PSMB7: variants seen among roughly 807,000 people sequenced by gnomAD.
PSMB7 encodes proteasome subunit beta type-7.
A neutral mutation model predicts 28.1 loss-of-function variants in PSMB7; 5 were observed. That is an observed-to-expected ratio of 0.18 (90% confidence interval 0.09 to 0.37). The LOEUF (loss-of-function observed/expected upper bound fraction) is 0.37, where lower values mean the gene tolerates loss of function less well. Ranked by LOEUF, PSMB7 falls within the 10% of genes least tolerant of loss-of-function variation. The pLI is 1.00. For synonymous variants in PSMB7, 122 were observed against 123.7 expected (o/e 0.99, Z 0.09); for missense variants, 275 against 346.2 (o/e 0.79, Z 1.63).
At chr9:124,414,320 T>C (rs1206633112) in intron 2 of PSMB7, among the ~76,000 whole-genome samples, 1 of 152,256 alleles carries the variant, frequency 6.6e-6, no homozygotes, top group Non-Finnish European at 1.5e-5. Flanking sequence ...AATCTTTCCA[T>C]TAAATTAGCC....
rs114690455 is a variant in PSMB7, at chr9:124,359,878, G to C, written c.571-2963C>G. Among the ~76,000 whole-genome samples the C allele has an allele frequency of 8.0e-3, 1,213 of 152,280 alleles. 20 individuals carry two copies. Among genetic ancestry groups the C allele is most frequent in the African/African-American group, 0.027 (1,140 of 41,550 alleles). On this transcript the variant is annotated intron_variant, in intron 6 of 7. Transcript: ENST00000259457. ...GCAACATCTCTACAATGCAACACCA[G>C]ATCAATATTAAGATCTAAGGTCTTA... is the stretch of plus-strand genomic sequence containing the variant.
intron 6 of PSMB7, among the ~76,000 whole-genome samples, chr9:124,383,183 G>C (rs1189506904): frequency 6.6e-6 from 1 of 151,968 alleles, no homozygotes; most frequent in East Asian, 1.9e-4. Context: ...TATTTAAGAA[G>C]GCCAAATAGA....
At chr9:124,394,000 G>A (rs1033451127) in intron 5 of PSMB7, among the ~76,000 whole-genome samples, 3 of 152,186 alleles carry the variant, frequency 2.0e-5, no homozygotes, top group Middle Eastern at 3.2e-3. Flanking sequence ...CCCTGCTGCC[G>A]CAGGAACGCA....
At chr9:124,361,627 T>C (rs187613818) in intron 6 of PSMB7, among the ~76,000 whole-genome samples, 10 of 152,354 alleles carry the variant, frequency 6.6e-5, no homozygotes, top group African/African-American at 2.4e-4. Flanking sequence ...TAAAAGATGA[T>C]TTATGTGTTG....
intron 3 of PSMB7, among the ~76,000 whole-genome samples, chr9:124,413,372 G>T (rs931628614): frequency 6.6e-6 from 1 of 151,756 alleles, no homozygotes; most frequent in African/African-American, 2.4e-5. Context: ...ACGCTTGAAG[G>T]GTAGGCTTTC....
intron 6 of PSMB7, among the ~76,000 whole-genome samples, chr9:124,378,679 C>T (rs1830636737): frequency 6.6e-6 from 1 of 152,088 alleles, no homozygotes; most frequent in Non-Finnish European, 1.5e-5. Context: ...CTCACTAGGC[C>T]AAATGAAAAC....
intron 4 of PSMB7, among the ~76,000 whole-genome samples, chr9:124,409,608 A>C (rs147634924): frequency 6.6e-6 from 1 of 152,246 alleles, no homozygotes; most frequent in South Asian, 2.1e-4. Flanking sequence ...CAGTACCAAG[A>C]ACACCTTGTA....
intron 6 of PSMB7, among the ~76,000 whole-genome samples, chr9:124,380,870 G>A (rs1830657186): frequency 6.6e-6 from 1 of 152,210 alleles, no homozygotes; most frequent in African/African-American, 2.4e-5. Flanking sequence ...TAAATGTAGT[G>A]TGTAAATGAC....
intron 6 of PSMB7, among the ~76,000 whole-genome samples, chr9:124,373,296 A>C (rs1396759011): frequency 1.3e-5 from 2 of 152,242 alleles, no homozygotes; most frequent in Non-Finnish European, 2.9e-5. Context: ...ACAGGACCCC[A>C]GGGATTGTAT....
At chr9:124,366,519 T>C (rs983760170) in intron 6 of PSMB7, among the ~76,000 whole-genome samples, 6 of 152,266 alleles carry the variant, frequency 3.9e-5, no homozygotes, top group African/African-American at 1.4e-4. Flanking sequence ...TTTTAAAATT[T>C]ACAAACAAGT....
At chr9:124,381,771 A>C (rs750140231) in intron 6 of PSMB7, among the ~76,000 whole-genome samples, 17 of 152,246 alleles carry the variant, frequency 1.1e-4, no homozygotes, top group Non-Finnish European at 2.2e-4. Flanking sequence ...CTCAGCCTTC[A>C]TTTAATATTC....
chr9:124,393,583 TC>T (rs1830811392), intron 5 of PSMB7, among the ~76,000 whole-genome samples: 1 of 152,210 alleles, frequency 6.6e-6, no homozygotes, highest in Admixed American at 6.5e-5. Flanking sequence ...AGCTAATTCC[TC>T]AAAAAACGGA....
chr9:124,403,622 C>A (rs976725036), intron 5 of PSMB7, among the ~76,000 whole-genome samples: 1 of 152,198 alleles, frequency 6.6e-6, no homozygotes, highest in East Asian at 1.9e-4. Flanking sequence ...CTACTATTTA[C>A]AGGCCAGGCA....
chr9:124,376,173 T>C (rs1353561510), intron 6 of PSMB7, among the ~76,000 whole-genome samples: 1 of 152,100 alleles, frequency 6.6e-6, no homozygotes, highest in Non-Finnish European at 1.5e-5. Context: ...TTTGTTCAAG[T>C]TATTCATGAT....
intron 6 of PSMB7, among the ~76,000 whole-genome samples, chr9:124,378,321 G>C (rs978747173): frequency 6.6e-6 from 1 of 152,124 alleles, no homozygotes; most frequent in Non-Finnish European, 1.5e-5. Flanking sequence ...TTTTAACTGT[G>C]CTCACACGAT....
Position 124,356,398 on chromosome 9 carries a change from C to A in PSMB7, c.722+366G>T, listed in dbSNP as rs755703130. Among the ~76,000 whole-genome samples the A allele has an allele frequency of 2.0e-5, 3 of 152,176 alleles. No homozygotes were observed. Among genetic ancestry groups the A allele is most frequent in the Non-Finnish European group, 4.4e-5 (3 of 68,030 alleles). ...ACCCAGTTAGGAATCTCGGGGCACT[C>A]TGAGGGAAAGTGCTGGGGCTGCCCT... On this transcript the variant is annotated intron_variant, in intron 7 of 7. Coordinates refer to ENST00000259457, the MANE Select transcript of PSMB7 (RefSeq NM_002799.4). The surrounding 1 kb of genome is among the most constrained non-coding windows in gnomAD (Gnocchi z 4.4).
In PSMB7 at chr9:124,353,521, C is replaced by T; in HGVS notation, c.*77G>A. The T allele has an allele frequency of 5.5e-6, 6 of 1,085,964 alleles. No individual in the cohort carries two copies. The highest frequency in any genetic ancestry group is 8.5e-6 in the Non-Finnish European group (6 of 708,568). The allele number at this position is 1,085,964 out of a possible 1,614,324, so 67.3% of individuals were successfully genotyped here. A position where few individuals can be genotyped will look rare whatever the true frequency, so the allele number is the denominator to read the frequency against. On this transcript the variant is annotated 3_prime_UTR_variant, in exon 8 of 8. Transcript: ENST00000259457. ...TGAGTTGAGTTTCATTCGGCAAACA[C>T]TAGCCACATGAGTGTCTTACTGGGC...
In PSMB7 at chr9:124,353,496, T is replaced by C; in HGVS notation, c.*102A>G. 2.1e-6 allele frequency: 2 copies of C among 931,212 alleles called. No individual in the cohort carries two copies. 57.7% of individuals were successfully genotyped at this position (931,212 alleles called of 1,614,324 possible). ...GCCCAATTTGGTTTTTGTTTTTTAT[T>C]GAGTTGAGTTTCATTCGGCAAACAC... On this transcript the variant is annotated 3_prime_UTR_variant, in exon 8 of 8. Transcript: ENST00000259457.
intron 5 of PSMB7, among the ~76,000 whole-genome samples, chr9:124,402,287 G>C (rs188089227): frequency 5.9e-5 from 9 of 152,138 alleles, no homozygotes; most frequent in Non-Finnish European, 1.2e-4. Flanking sequence ...AAAGTTGGGC[G>C]GCAGAAGTAA....
Sources: gnomAD v4.1 joint callset for allele counts (sites outside exome capture counted in the v4.1 genomes callset) on GRCh38, gnomAD v4.1.1 for gene constraint, Gnocchi (gnomAD v3.1) non-coding constraint, MANE v1.5 for transcripts, NCBI Gene and HGNC (gene_info 2026-07-23, HGNC 2026-07-21) for gene names.